Variants in C8B observed in about 807,000 individuals in gnomAD.
C8B encodes complement component C8 beta chain.
A neutral mutation model predicts 64.6 loss-of-function variants in C8B; 67 were observed. The observed-to-expected ratio is 1.04, with a 90% CI of 0.85 to 1.27. The LOEUF (loss-of-function observed/expected upper bound fraction) is 1.27, where lower values mean the gene tolerates loss of function less well. Ranked by LOEUF, C8B falls within the 50% of genes most tolerant of loss-of-function variation. The probability of loss-of-function intolerance (pLI) is 0.00; values close to 1 mark genes in which losing one functional copy is unlikely to be tolerated. For synonymous variants in C8B, 284 were observed against 257.7 expected, an observed-to-expected ratio of 1.10 and a Z score of -0.98; for missense variants, 790 against 725.2, an observed-to-expected ratio of 1.09 and a Z score of -1.03.
chr1:56,952,857 T>C (rs757004024), intron 4 of C8B, among the ~76,000 whole-genome samples: 2 of 152,208 alleles, frequency 1.3e-5, no homozygotes, highest in Non-Finnish European at 2.9e-5. Context: ...TGTATCATGT[T>C]TATGAAGTCC....
intron 8 of C8B, among the ~76,000 whole-genome samples, chr1:56,941,473 G>A (rs916819317): frequency 1.8e-4 from 27 of 151,732 alleles, no homozygotes; most frequent in African/African-American, 6.5e-4. Context: ...CAGATAAATA[G>A]ATAGATAATA....
chr1:56,940,751 G>A, intron 9 of C8B, 98 bp downstream of exon 9: 2 of 1,383,804 alleles, frequency 1.4e-6, no homozygotes, highest in African/African-American at 1.4e-5. Context: ...TAGGGCCTGG[G>A]TCTTAGTGAT....
chr1:56,955,310 G>A (rs1049194529), intron 3 of C8B, among the ~76,000 whole-genome samples: 2 of 152,318 alleles, frequency 1.3e-5, no homozygotes, highest in Non-Finnish European at 2.9e-5. Context: ...AGGGCCAAGT[G>A]CACATTAACT....
intron 11 of C8B, among the ~76,000 whole-genome samples, chr1:56,930,032 C>T (rs115482075): frequency 6.6e-6 from 1 of 152,172 alleles, no homozygotes; most frequent in Non-Finnish European, 1.5e-5. Flanking sequence ...GGGGCTGTAT[C>T]TTATTTGTTC....
In C8B at chr1:56,954,806, A is replaced by C. The variant is rs955479183; in HGVS notation, c.413T>G (p.Leu138Arg). The C allele has an allele frequency of 1.6e-5, 26 of 1,614,204 alleles. No individual in the cohort carries two copies. The highest frequency in any genetic ancestry group is 1.9e-5 in the Non-Finnish European group (22 of 1,180,010). ...ACAGTCATTGTCCCCATTGCAAAGA[A>C]GTCTGCGGTTTACACACCTTCCTAG... ...AQTGRCVNRR[L>R]LCNGDNDCGD... is the part of the protein sequence containing the mutation. Residue 138 changes from leucine to arginine, a missense_variant, in exon 4 of 12, where the codon CTT (leucine) becomes CGT (arginine). Physicochemically the swap from Leu to Arg is moderately radical, Grantham distance 102. Coordinates refer to ENST00000371237, the MANE Select transcript of C8B (RefSeq NM_000066.4).
rs140321706 is a variant in C8B, at chr1:56,958,510, A to G, written c.249+1510T>C. On this transcript the variant is annotated intron_variant, in intron 2 of 11. Transcript: ENST00000371237. ...AGAACACTGTGAAAAAAAAAAGACT[A>G]AAAAGCTCCAGGCTCCAAAGGCAAA... 5.1e-3 allele frequency among the ~76,000 whole-genome samples: 770 copies of G among 152,186 alleles called. 4 individuals carry two copies. Among genetic ancestry groups the G allele is most frequent in the African/African-American group, 0.017 (715 of 41,524 alleles).
Position 56,943,702 on chromosome 1 carries a change from T to C in C8B, c.1228A>G (p.Ile410Val). 6.2e-7 allele frequency: 1 copy of C among 1,614,118 alleles called. No individual in the cohort carries two copies. Among genetic ancestry groups the C allele is most frequent in the Non-Finnish European group, 8.5e-7 (1 of 1,179,974 alleles). ...VGKCRGILNE[I>V]KDRNKRDTMV... Reference sequence around the variant, plus strand: ...ACAAGCCCCTGTCACTCACCTTTTATTTCATTCAGAATACCTCTGCATTTG... The same window carrying C: ...ACAAGCCCCTGTCACTCACCTTTTACTTCATTCAGAATACCTCTGCATTTG... Residue 410 changes from isoleucine to valine, a missense_variant, in exon 8 of 12, where the codon ATA becomes GTA. Physicochemically the swap from Ile to Val is conservative, Grantham distance 29. Coordinates refer to ENST00000371237, the MANE Select transcript of C8B (RefSeq NM_000066.4).
intron 9 of C8B, among the ~76,000 whole-genome samples, chr1:56,936,895 T>TTTTCCTTTTTGAAA (rs1240477054): frequency 6.6e-6 from 1 of 152,032 alleles, no homozygotes; most frequent in Admixed American, 6.6e-5. Flanking sequence ...ACCTGCTGGG[T>TTTTCCTTTTTGAAA]TTTCCTTTTT....
chr1:56,957,688 T>C (rs959120714), intron 2 of C8B, among the ~76,000 whole-genome samples: 1 of 152,162 alleles, frequency 6.6e-6, no homozygotes, highest in Admixed American at 6.5e-5. Context: ...AAGGTAGATG[T>C]TATTGTTGTT....
intron 7 of C8B, among the ~76,000 whole-genome samples, chr1:56,944,551 G>A (rs1644913990): frequency 6.6e-6 from 1 of 152,218 alleles, no homozygotes; most frequent in Non-Finnish European, 1.5e-5. Context: ...GATGTTATGA[G>A]AAAAGGAACT....
At chr1:56,959,509 A>G in intron 2 of C8B, 1 of 1,349,110 alleles carries the variant, frequency 7.4e-7, no homozygotes, top group Non-Finnish European at 1.0e-6. Context: ...CAGTGAAGGA[A>G]GTGGGAAATG....
In C8B at chr1:56,960,042, C is replaced by G. The variant is rs1645155172; in HGVS notation, c.227G>C (p.Cys76Ser). ...TACCCTTTTCTTCTGACAGGGGTCACATGTGGTCCAAGAGGACCAACTAGA... is the reference window on the plus strand; with the variant it reads ...TACCCTTTTCTTCTGACAGGGGTCAGATGTGGTCCAAGAGGACCAACTAGA... ...ELSSWSSWTTCDPCQKKRYRY... is the reference protein window; with the variant it reads ...ELSSWSSWTTSDPCQKKRYRY... Residue 76 changes from cysteine (C) to serine (S), a missense_variant, in exon 2 of 12, where the codon TGT (cysteine) becomes TCT (serine). Physicochemically the swap from Cys to Ser is moderately radical, Grantham distance 112. Transcript: ENST00000371237. The G allele has an allele frequency of 6.2e-7, 1 of 1,614,016 alleles. No individual in the cohort carries two copies. The highest frequency in any genetic ancestry group is 1.3e-5 in the African/African-American group (1 of 74,922).
intron 1 of C8B, among the ~76,000 whole-genome samples, chr1:56,962,186 A>G (rs60215231): frequency 0.02 from 3,028 of 152,348 alleles, 105 homozygotes; most frequent in African/African-American, 0.07. Flanking sequence ...TTAATGGGCA[A>G]GATGATCACT....
chr1:56,943,963 A>G, intron 7 of C8B, 139 bp from the exon 8 acceptor site: 1 of 936,292 alleles, frequency 1.1e-6, no homozygotes, highest in Non-Finnish European at 1.6e-6. Context: ...CAGCCTGATA[A>G]CAAGAAATGT....
chr1:56,934,470 A>G (rs1211694495), intron 9 of C8B, among the ~76,000 whole-genome samples: 2 of 152,178 alleles, frequency 1.3e-5, no homozygotes, highest in African/African-American at 4.8e-5. Context: ...AGACAGTCCA[A>G]ATAGATAGTT....
At chr1:56,959,292 T>A (rs909080372) in intron 2 of C8B, among the ~76,000 whole-genome samples, 1 of 152,194 alleles carries the variant, frequency 6.6e-6, no homozygotes. Context: ...CAGAATTAAA[T>A]CAGCCTTCAC....
intron 1 of C8B, among the ~76,000 whole-genome samples, chr1:56,962,763 C>A (rs1645196283): frequency 6.6e-6 from 1 of 152,222 alleles, no homozygotes; most frequent in South Asian, 2.1e-4. Context: ...CCCAGAGGGG[C>A]TATTGCCATG....
chr1:56,952,294 T>C, intron 4 of C8B, 114 bp from the exon 5 acceptor site: 1 of 1,423,412 alleles, frequency 7.0e-7, no homozygotes, highest in South Asian at 1.2e-5. Context: ...TTCAAGGCCC[T>C]TGATACCTGG....
chr1:56,955,050 A>G (rs1009130114), intron 3 of C8B, among the ~76,000 whole-genome samples: 3 of 152,176 alleles, frequency 2.0e-5, no homozygotes, highest in Non-Finnish European at 4.4e-5. Context: ...TCCAGAAAGC[A>G]GCAGGACAGT....
Sources: gnomAD v4.1 joint callset for allele counts (sites outside exome capture counted in the v4.1 genomes callset) on GRCh38, gnomAD v4.1.1 for gene constraint, MANE v1.5 for transcripts, NCBI Gene and HGNC (gene_info 2026-07-23, HGNC 2026-07-21) for gene names.